DLC1: variants seen among roughly 807,000 people sequenced by gnomAD.
DLC1 encodes the protein DLC1 Rho GTPase activating protein.
Under a neutral mutation model 140.3 loss-of-function variants are expected in DLC1, and 54 were observed. The observed-to-expected ratio is 0.38, with a 90% CI of 0.31 to 0.48. The LOEUF is 0.48. Among genes scored for constraint, DLC1 ranks in the 20% least tolerant of loss-of-function variants. The pLI, the probability that DLC1 is intolerant of heterozygous loss-of-function variation, is 0.96. For missense variants in DLC1, 2,536 were observed against 1,907.0 expected (o/e 1.33, Z -6.14); for synonymous variants, 986 against 728.1 (o/e 1.35, Z -5.70).
At chr8:13,426,174 G>A (rs1190756762) in intron 2 of DLC1, among the ~76,000 whole-genome samples, 2 of 151,456 alleles carry the variant, frequency 1.3e-5, no homozygotes, top group African/African-American at 4.8e-5. Flanking sequence ...TTGAAAAGAT[G>A]TCCATGCTTA....
chr8:13,450,807 G>A (rs1163464259), intron 2 of DLC1, among the ~76,000 whole-genome samples: 3 of 151,912 alleles, frequency 2.0e-5, no homozygotes, highest in East Asian at 1.9e-4. Context: ...TCGGGAGGCC[G>A]AGGTGGGCGG....
chr8:13,332,181 T>C (rs1237003769), intron 4 of DLC1, among the ~76,000 whole-genome samples: 1 of 152,206 alleles, frequency 6.6e-6, no homozygotes, highest in Non-Finnish European at 1.5e-5. Context: ...ATTTCAACCA[T>C]TTTTGAAAAT....
intron 4 of DLC1, among the ~76,000 whole-genome samples, chr8:13,334,372 G>A (rs967810107): frequency 1.3e-5 from 2 of 152,154 alleles, no homozygotes; most frequent in Admixed American, 1.3e-4. Flanking sequence ...GGCCAGATCT[G>A]TGAGCCCCCC....
At chr8:13,203,904 T>C (rs896911094) in intron 5 of DLC1, among the ~76,000 whole-genome samples, 13 of 152,196 alleles carry the variant, frequency 8.5e-5, no homozygotes, top group South Asian at 8.3e-4. Context: ...TTATGGTTTT[T>C]GCTGACTCAT....
At position 13,088,722 on chromosome 8, in the gene DLC1, T is replaced by A; in HGVS notation, c.4075-18A>T. On this transcript the variant is annotated intron_variant, in intron 15 of 17. Transcript: ENST00000276297. ...TCGCTCACCTGGAAAGAGGATGTAT[T>A]TTTCAGTGCCAAGGCAATCCATACA... 1 of 1,613,302 alleles carries A rather than the reference T, an allele frequency of 6.2e-7. No homozygotes were observed. The highest frequency in any genetic ancestry group is 8.5e-7 in the Non-Finnish European group (1 of 1,179,630).
At chr8:13,438,732 C>T (rs1358722355) in intron 2 of DLC1, among the ~76,000 whole-genome samples, 1 of 152,166 alleles carries the variant, frequency 6.6e-6, no homozygotes, top group Non-Finnish European at 1.5e-5. Context: ...TGAGTTGTCT[C>T]TCTTTGCTCA....
intron 1 of DLC1, among the ~76,000 whole-genome samples, chr8:13,570,970 A>G (rs540187585): frequency 6.6e-6 from 1 of 152,332 alleles, no homozygotes; most frequent in Admixed American, 6.5e-5. Flanking sequence ...ATGAGAGCAC[A>G]GGAGGAGAGA....
chr8:13,401,443 A>C (rs956274426), intron 3 of DLC1, 27 bp downstream of exon 3: 1 of 1,609,582 alleles, frequency 6.2e-7, no homozygotes, highest in Non-Finnish European at 8.5e-7. Flanking sequence ...CTCCTATGGG[A>C]AAAGAAGTAG....
intron 4 of DLC1, among the ~76,000 whole-genome samples, chr8:13,349,123 T>A (rs1834513780): frequency 6.6e-6 from 1 of 152,060 alleles, no homozygotes. Flanking sequence ...ACTAATCAGA[T>A]AGGTTGTGGA....
intron 4 of DLC1, among the ~76,000 whole-genome samples, chr8:13,379,193 G>A (rs1836138034): frequency 6.6e-6 from 1 of 152,102 alleles, no homozygotes; most frequent in Admixed American, 6.6e-5. Flanking sequence ...TGTTTCCTGT[G>A]TCCATGCTGC....
intron 5 of DLC1, among the ~76,000 whole-genome samples, chr8:13,147,884 A>T (rs1049054240): frequency 2.0e-5 from 3 of 152,170 alleles, no homozygotes; most frequent in South Asian, 4.1e-4. Flanking sequence ...GCTACTCGGG[A>T]GACTGAGGCA....
chr8:13,329,935 A>G (rs768216902), intron 4 of DLC1, among the ~76,000 whole-genome samples: 27 of 152,106 alleles, frequency 1.8e-4, no homozygotes, highest in Non-Finnish European at 3.7e-4. Context: ...AGAAAAGAAC[A>G]TTGCTTCATT....
intron 2 of DLC1, among the ~76,000 whole-genome samples, chr8:13,477,795 A>G (rs1155203): frequency 0.76 from 116,082 of 151,816 alleles, 45,715 homozygotes; most frequent in Middle Eastern, 0.87. Flanking sequence ...TATCCTAACC[A>G]CCCAACCAAT....
intron 1 of DLC1, among the ~76,000 whole-genome samples, chr8:13,533,953 A>C (rs1276639293): frequency 6.6e-6 from 1 of 152,102 alleles, no homozygotes; most frequent in African/African-American, 2.4e-5. Context: ...GCCATGTGGA[A>C]CTGGCAATCA....
intron 2 of DLC1, among the ~76,000 whole-genome samples, chr8:13,451,371 C>A (rs1217197936): frequency 6.6e-6 from 1 of 152,096 alleles, no homozygotes; most frequent in Non-Finnish European, 1.5e-5. Flanking sequence ...GTGTAATAGA[C>A]AATCCAATTA....
At chr8:13,133,026 A>T in intron 5 of DLC1, 1 of 1,590,820 alleles carries the variant, frequency 6.3e-7, no homozygotes, top group Non-Finnish European at 8.5e-7. Context: ...AAGTCGAGGC[A>T]GGCGGAGGCG....
intron 3 of DLC1, among the ~76,000 whole-genome samples, chr8:13,400,953 T>C (rs934736792): frequency 8.5e-5 from 13 of 152,242 alleles, no homozygotes; most frequent in African/African-American, 3.1e-4. Flanking sequence ...CTCTGTCTCT[T>C]TCACTGTATT....
chr8:13,151,904 G>A (rs1213587054), intron 5 of DLC1, among the ~76,000 whole-genome samples: 1 of 152,126 alleles, frequency 6.6e-6, no homozygotes, highest in Non-Finnish European at 1.5e-5. Context: ...GCTGCATAAT[G>A]TATGTTATGA....
At chr8:13,535,889 A>G (rs1261130719) in intron 1 of DLC1, 1 of 152,112 alleles carries the variant, frequency 6.6e-6, no homozygotes, top group Admixed American at 6.6e-5. Context: ...GGAACCAGCC[A>G]TGCATTTATT....
Sources: gnomAD v4.1 joint callset for allele counts (sites outside exome capture counted in the v4.1 genomes callset) on GRCh38, gnomAD v4.1.1 for gene constraint, MANE v1.5 for transcripts, NCBI Gene and HGNC (gene_info 2026-07-23, HGNC 2026-07-21) for gene names.